The following KCNK13 variants were observed in gnomAD, a reference collection of about 807,000 sequenced individuals.
The protein encoded by KCNK13 is potassium channel subfamily K member 13.
A neutral mutation model predicts 23.4 loss-of-function variants in KCNK13; 12 were observed. That is an observed-to-expected ratio of 0.51 (90% CI 0.33 to 0.83). The LOEUF (loss-of-function observed/expected upper bound fraction) is 0.83, where lower values mean the gene tolerates loss of function less well. Among genes scored for constraint, KCNK13 ranks in the 40% least tolerant of loss-of-function variants. The pLI is 0.02. For missense variants in KCNK13, 463 were observed against 556.3 expected (o/e 0.83, Z 1.69); for synonymous variants, 231 against 229.5 (o/e 1.01, Z -0.06).
intron 1 of KCNK13, among the ~76,000 whole-genome samples, chr14:90,124,676 T>G (rs1217770982): frequency 6.6e-6 from 1 of 152,214 alleles, no homozygotes; most frequent in Non-Finnish European, 1.5e-5. Flanking sequence ...GCCTAAGATC[T>G]CTGGGAAGAA....
chr14:90,071,188 T>A (rs1173753074), intron 1 of KCNK13, among the ~76,000 whole-genome samples: 1 of 152,194 alleles, frequency 6.6e-6, no homozygotes, highest in East Asian at 1.9e-4. Context: ...GAAGGAGAGA[T>A]GGGTTTGGTA....
chr14:90,167,842 T>C (rs1355420112), intron 1 of KCNK13, among the ~76,000 whole-genome samples: 1 of 152,222 alleles, frequency 6.6e-6, no homozygotes, highest in Admixed American at 6.5e-5. Flanking sequence ...CTGGCTCACA[T>C]GACAGGAGGT....
chr14:90,094,635 T>TC (rs1889386312), intron 1 of KCNK13, among the ~76,000 whole-genome samples: 1 of 143,550 alleles, frequency 7.0e-6, no homozygotes, highest in Non-Finnish European at 1.5e-5. Context: ...CAGGGACTTT[T>TC]CTTTTTTTTC....
At chr14:90,089,970 G>A (rs1257318637) in intron 1 of KCNK13, among the ~76,000 whole-genome samples, 1 of 152,260 alleles carries the variant, frequency 6.6e-6, no homozygotes, top group African/African-American at 2.4e-5. Flanking sequence ...CCAGGTGGAA[G>A]TTTGCTTGAA....
At chr14:90,132,051 G>A (rs1262462516) in intron 1 of KCNK13, among the ~76,000 whole-genome samples, 1 of 152,180 alleles carries the variant, frequency 6.6e-6, no homozygotes, top group African/African-American at 2.4e-5. Flanking sequence ...ATAGGCAATT[G>A]GAAAAACAAA....
chr14:90,085,614 C>T (rs1889261883), intron 1 of KCNK13, among the ~76,000 whole-genome samples: 1 of 148,648 alleles, frequency 6.7e-6, no homozygotes, highest in Non-Finnish European at 1.5e-5. Flanking sequence ...AGCTGAGATC[C>T]ATGCCATTGC....
At chr14:90,131,799 G>A (rs924136561) in intron 1 of KCNK13, among the ~76,000 whole-genome samples, 3 of 152,230 alleles carry the variant, frequency 2.0e-5, no homozygotes, top group East Asian at 1.9e-4. Flanking sequence ...TCAGTGAGGA[G>A]ACAGAGAAAT....
chr14:90,130,419 T>G (rs113697902), intron 1 of KCNK13, among the ~76,000 whole-genome samples: 2 of 151,662 alleles, frequency 1.3e-5, no homozygotes, highest in East Asian at 4.0e-4. Flanking sequence ...AGGCTGGTCT[T>G]GAACTCCTTA....
intron 1 of KCNK13, among the ~76,000 whole-genome samples, chr14:90,087,410 A>T (rs1250863808): frequency 6.6e-6 from 1 of 152,112 alleles, no homozygotes; most frequent in Non-Finnish European, 1.5e-5. Flanking sequence ...CATTAAAAAT[A>T]AATTATTCTA....
intron 1 of KCNK13, among the ~76,000 whole-genome samples, chr14:90,100,654 C>A (rs1596777758): frequency 6.6e-6 from 1 of 152,134 alleles, no homozygotes; most frequent in Non-Finnish European, 1.5e-5. Flanking sequence ...AGTCTGAAGA[C>A]CTGCAACTTT....
intron 1 of KCNK13, among the ~76,000 whole-genome samples, chr14:90,145,762 G>A (rs1890065455): frequency 6.6e-6 from 1 of 152,104 alleles, no homozygotes; most frequent in Non-Finnish European, 1.5e-5. Flanking sequence ...AGCACTTTGG[G>A]AGGCCAAAGC....
At chr14:90,112,972 G>A (rs1048637665) in intron 1 of KCNK13, among the ~76,000 whole-genome samples, 6 of 150,094 alleles carry the variant, frequency 4.0e-5, no homozygotes, top group Non-Finnish European at 8.9e-5. Flanking sequence ...GGAGGGCAGT[G>A]GTGTCATCAC....
chr14:90,182,573 G>T (rs1342252630), intron 1 of KCNK13, among the ~76,000 whole-genome samples: 2 of 152,178 alleles, frequency 1.3e-5, no homozygotes, highest in African/African-American at 4.8e-5. Context: ...CGTAATCCCA[G>T]TGCTTTGGGA....
chr14:90,127,760 A>G (rs1348664582), intron 1 of KCNK13, among the ~76,000 whole-genome samples: 1 of 146,278 alleles, frequency 6.8e-6, no homozygotes, highest in Non-Finnish European at 1.5e-5. Context: ...TCGAGGCTGC[A>G]GTGAGCCATG....
intron 1 of KCNK13, among the ~76,000 whole-genome samples, chr14:90,141,776 T>C (rs1241829467): frequency 2.4e-5 from 2 of 83,930 alleles, no homozygotes; most frequent in Non-Finnish European, 4.6e-5. Context: ...TCTTGGGTTT[T>C]TGTTTTGTTT....
chr14:90,151,998 G>A (rs572450278), intron 1 of KCNK13, among the ~76,000 whole-genome samples: 16 of 151,946 alleles, frequency 1.1e-4, no homozygotes, highest in Non-Finnish European at 2.1e-4. Flanking sequence ...TTTTTATGTC[G>A]ATACTGTATT....
At chr14:90,176,776 C>G (rs1358007446) in intron 1 of KCNK13, among the ~76,000 whole-genome samples, 1 of 151,980 alleles carries the variant, frequency 6.6e-6, no homozygotes, top group Non-Finnish European at 1.5e-5. Context: ...AGTCCCAGCA[C>G]TTTGGGAGGC....
intron 1 of KCNK13, among the ~76,000 whole-genome samples, chr14:90,140,786 AG>A (rs1473579860): frequency 2.0e-5 from 3 of 152,156 alleles, no homozygotes; most frequent in Non-Finnish European, 4.4e-5. Context: ...AAATCAGCAA[AG>A]GTCATTGTCT....
At chr14:90,142,532 A>T (rs950259001) in intron 1 of KCNK13, among the ~76,000 whole-genome samples, 9 of 151,582 alleles carry the variant, frequency 5.9e-5, no homozygotes, top group African/African-American at 2.2e-4. Flanking sequence ...GTTAGCCAGG[A>T]TAGTCTCGAT....
Sources: gnomAD v4.1 joint callset for allele counts (sites outside exome capture counted in the v4.1 genomes callset) on GRCh38, gnomAD v4.1.1 for gene constraint, MANE v1.5 for transcripts, NCBI Gene and HGNC (gene_info 2026-07-23, HGNC 2026-07-21) for gene names.